PNMA6E: variants seen among roughly 807,000 people sequenced by gnomAD.
The protein encoded by PNMA6E is PNMA family member 6E, also known as paraneoplastic antigen Ma6E.
For synonymous variants in PNMA6E, 43 were observed against 17.1 expected (o/e 2.52, Z -3.74); for missense variants, 78 against 50.8 (o/e 1.53, Z -1.63).
At chrX:153,402,486 G>A (rs189936966), upstream of PNMA6E, among the ~76,000 whole-genome samples, 260 of 110,656 alleles carry the variant, frequency 2.3e-3, 1 homozygote, top group Non-Finnish European at 3.5e-3. Flanking sequence ...CCTGCACCCC[G>A]TCCTTTATGC....
Position 153,397,665 on chromosome X carries a change from C to A in PNMA6E, c.1185G>T (p.Gly395=), listed in dbSNP as rs2088818399. ...GAGTGTCCTGGTTCCTAAATACCTG[C>A]CCCAGCGCCGCCAGGCAGTCCAGCG... ...LSALDCLAAL[G]QVFRNQDTRM... Residue 395 remains glycine (G), a synonymous_variant, in exon 2 of 2, where the codon GGG becomes GGT. Transcript: ENST00000445091. The A allele has an allele frequency of 3.3e-6, 1 of 300,566 alleles. No homozygotes were observed. Among genetic ancestry groups the A allele is most frequent in the Non-Finnish European group, 5.8e-6 (1 of 171,896 alleles). The allele number at this position is 300,566 out of a possible 1,213,427, so 24.8% of individuals were successfully genotyped here.
chrX:153,401,752 G>GT (rs1229815494), upstream of PNMA6E, among the ~76,000 whole-genome samples: 1 of 105,134 alleles, frequency 9.5e-6, no homozygotes, highest in Non-Finnish European at 2.0e-5. Flanking sequence ...GTTTTGTTTT[G>GT]TTTTTTGTTT....
chrX:153,412,430 C>T, the PNMA6E span, among the ~76,000 whole-genome samples: 2 of 112,635 alleles, frequency 1.8e-5, no homozygotes, highest in East Asian at 5.6e-4. Context: ...CCCTGTTGTT[C>T]TCGTTCTAGT....
intron 1 of PNMA6E, among the ~76,000 whole-genome samples, chrX:153,399,634 C>T (rs1220685302): frequency 1.8e-5 from 2 of 111,885 alleles, no homozygotes; most frequent in African/African-American, 6.5e-5. Flanking sequence ...AGGCATAAAC[C>T]ACTGTGCCTA....
upstream of PNMA6E, among the ~76,000 whole-genome samples, chrX:153,405,541 TCCTC>T: frequency 1.0e-5 from 1 of 98,999 alleles, no homozygotes; most frequent in East Asian, 3.5e-4. Flanking sequence ...CCCCGCCCTT[TCCTC>T]CCTCCCTCTC....
At chrX:153,405,503 G>C (rs1315576731), upstream of PNMA6E, among the ~76,000 whole-genome samples, 1 of 109,421 alleles carries the variant, frequency 9.1e-6, no homozygotes, top group Non-Finnish European at 1.9e-5. Context: ...TTACCTTCTT[G>C]CACTTGTTTC....
chrX:153,400,402 C>T (rs186695508), intron 1 of PNMA6E, among the ~76,000 whole-genome samples: 3 of 112,449 alleles, frequency 2.7e-5, no homozygotes, highest in East Asian at 2.8e-4. Flanking sequence ...CACCGCACAC[C>T]GGGGACAGTC....
chrX:153,397,889 A>T lies in PNMA6E; in HGVS notation c.961T>A (p.Leu321Met), dbSNP rs2088820635. The change falls in exon 2 of 2, where the codon TTG (leucine) becomes ATG (methionine). Residue 321 changes from leucine to methionine, a missense_variant. By Grantham distance (15) the Leu-to-Met change is conservative (BLOSUM62 2). Transcript: ENST00000445091. The stretch of plus-strand genomic sequence containing the variant: ...TGCTCCCTCCTGGAAAAGGGTCTCA[A>T]TTCCCGGTAGGCCCTGTTTTCCAGC... ...PVLENRAYRE[L>M]RPFSRREQPG... 2.9e-6 allele frequency: 1 copy of T among 340,392 alleles called. No individual in the cohort carries two copies. The highest frequency in any genetic ancestry group is 5.1e-6 in the Non-Finnish European group (1 of 196,614). 28.1% of individuals were successfully genotyped at this position (340,392 alleles called of 1,213,427 possible).
upstream of PNMA6E, among the ~76,000 whole-genome samples, chrX:153,401,834 A>ATTTTTT (rs781957165): frequency 1.4e-5 from 1 of 69,655 alleles, no homozygotes; most frequent in Admixed American, 1.9e-4. Flanking sequence ...GCCAGGCTGG[A>ATTTTTT]TTTTTTTTTT....
In PNMA6E at chrX:153,398,551, A is replaced by G. The variant is rs1051244568; in HGVS notation, c.299T>C (p.Ile100Thr). Residue 100 changes from isoleucine to threonine, a missense_variant, in exon 2 of 2, where the codon ATT becomes ACT. Coordinates refer to ENST00000445091, the MANE Select transcript of PNMA6E (RefSeq NM_001367770.1). ...AAAACTGGGCATATCCTGAAACTCA[A>G]TAACAGGTACTTGGGGCAGGAAGAT... Reference protein sequence around the residue: ...KVIFLPQVPVIEFQDMPSFPA... With the variant: ...KVIFLPQVPVTEFQDMPSFPA... 1 of 353,348 alleles carries G rather than the reference A, an allele frequency of 2.8e-6. No homozygotes were observed. The highest frequency in any genetic ancestry group is 4.9e-6 in the Non-Finnish European group (1 of 204,132). 29.1% of individuals were successfully genotyped at this position (353,348 alleles called of 1,213,427 possible).
rs376630621 is a variant in PNMA6E, at chrX:153,396,576, G to A, written c.*330C>T. On this transcript the variant is annotated 3_prime_UTR_variant, in exon 2 of 2. Coordinates refer to ENST00000445091, the MANE Select transcript of PNMA6E (RefSeq NM_001367770.1). ...TCTCCCAACTCACGGCCTGGGTTGGGGGCAGACATCTTCAGGTGCCCCCAC... is the reference window on the plus strand; with the variant it reads ...TCTCCCAACTCACGGCCTGGGTTGGAGGCAGACATCTTCAGGTGCCCCCAC... The A allele has an allele frequency of 7.4e-6, 1 of 135,543 alleles. No homozygotes were observed. Among genetic ancestry groups the A allele is most frequent in the Non-Finnish European group, 1.5e-5 (1 of 68,162 alleles). The allele number at this position is 135,543 out of a possible 1,213,427, so 11.2% of individuals were successfully genotyped here.
At chrX:153,408,048 C>T in the PNMA6E span, among the ~76,000 whole-genome samples, 1 of 112,587 alleles carries the variant, frequency 8.9e-6, no homozygotes, top group South Asian at 3.6e-4. Context: ...CTGGAGGGGG[C>T]ACCATAAGGA....
intron 1 of PNMA6E, among the ~76,000 whole-genome samples, chrX:153,400,487 G>C (rs968499481): frequency 8.9e-6 from 1 of 112,042 alleles, no homozygotes; most frequent in African/African-American, 3.2e-5. Flanking sequence ...GTCTAGCCCC[G>C]GGCAGCAGGG....
rs1365867823 is a variant in PNMA6E, at chrX:153,397,068, T to A, written c.1782A>T (p.Pro594=). The change falls in exon 2 of 2, where the codon CCA becomes CCT. Residue 594 remains proline, a synonymous_variant. Coordinates refer to ENST00000445091, the MANE Select transcript of PNMA6E (RefSeq NM_001367770.1). The stretch of plus-strand genomic sequence containing the variant: ...CCTCTGGACCCCAGCTAAGACCTCT[T>A]GGGAACACCCAGACAGCACTGCTCA... ...ARMSSAVWVF[P]RGLSWGPEGL... 3.4e-6 allele frequency: 1 copy of A among 296,481 alleles called. No individual in the cohort carries two copies. Among genetic ancestry groups the A allele is most frequent in the Non-Finnish European group, 5.9e-6 (1 of 170,033 alleles). 24.4% of individuals were successfully genotyped at this position (296,481 alleles called of 1,213,427 possible). A position where few individuals can be genotyped will look rare whatever the true frequency, so the allele number is the denominator to read the frequency against.
At position 153,395,698 on chromosome X, in the gene PNMA6E, A is replaced by G. The variant is rs2088795647; in HGVS notation, c.*1208T>C. 1 of 112,690 alleles carries G rather than the reference A, an allele frequency of 8.9e-6. No homozygotes were observed. The highest frequency in any genetic ancestry group is 1.9e-5 in the Non-Finnish European group (1 of 52,979). 9.3% of individuals were successfully genotyped at this position (112,690 alleles called of 1,213,427 possible). A position where few individuals can be genotyped will look rare whatever the true frequency, so the allele number is the denominator to read the frequency against. Reference sequence around the variant, plus strand: ...TATACTGAAACTATTGAAGAGAAGGAAACCACAATACAGAGAGAAACTGTA... The same window carrying G: ...TATACTGAAACTATTGAAGAGAAGGGAACCACAATACAGAGAGAAACTGTA... On this transcript the variant is annotated 3_prime_UTR_variant, in exon 2 of 2. Transcript: ENST00000445091.
chrX:153,401,726 T>C (rs1569529148), upstream of PNMA6E, among the ~76,000 whole-genome samples: 2 of 111,585 alleles, frequency 1.8e-5, no homozygotes, highest in East Asian at 2.8e-4. Context: ...CATAAAAAGA[T>C]CCTATGTTTT....
upstream of PNMA6E, among the ~76,000 whole-genome samples, chrX:153,404,664 C>G (rs2088869102): frequency 8.9e-6 from 1 of 112,271 alleles, no homozygotes; most frequent in Admixed American, 9.4e-5. Context: ...TTTTCTTGGA[C>G]TCTGCCTTGT....
chrX:153,400,062 G>A (rs782482811), intron 1 of PNMA6E, among the ~76,000 whole-genome samples: 2 of 112,483 alleles, frequency 1.8e-5, no homozygotes, highest in East Asian at 5.6e-4. Context: ...GAAAACGTGC[G>A]ATCCTTTTCA....
chrX:153,403,463 G>A (rs1202383772), upstream of PNMA6E, among the ~76,000 whole-genome samples: 3 of 112,045 alleles, frequency 2.7e-5, no homozygotes, highest in Non-Finnish European at 1.9e-5. Context: ...CCCAACCTAA[G>A]TCAAGGAGCA....
Sources: gnomAD v4.1 joint callset for allele counts (sites outside exome capture counted in the v4.1 genomes callset) on GRCh38, gnomAD v4.1.1 for gene constraint, MANE v1.5 for transcripts, NCBI Gene and HGNC (gene_info 2026-07-23, HGNC 2026-07-21) for gene names.